YES1: variants seen among roughly 807,000 people sequenced by gnomAD.
YES1 encodes the protein tyrosine-protein kinase Yes.
Under a neutral mutation model 70.4 loss-of-function variants are expected in YES1, and 39 were observed. The ratio of observed to expected loss-of-function variants is 0.55; its 90% confidence interval spans 0.43 to 0.72. The LOEUF is 0.72. Among genes scored for constraint, YES1 ranks in the 30% least tolerant of loss-of-function variants. The pLI is 0.00. For missense variants in YES1, 495 were observed against 644.8 expected (o/e 0.77, Z 2.52); for synonymous variants, 198 against 218.6 (o/e 0.91, Z 0.83).
chr18:733,112 AT>A, intron 10 of YES1, 147 bp from the exon 11 acceptor site: 1 of 637,520 alleles, frequency 1.6e-6, no homozygotes. Context: ...TGGGATAAAA[AT>A]TCTTTAATTT....
At chr18:795,512 CA>C in intron 1 of YES1, among the ~76,000 whole-genome samples, 1 of 152,078 alleles carries the variant, frequency 6.6e-6, no homozygotes, top group Non-Finnish European at 1.5e-5. Context: ...CCCATATCCC[CA>C]TCAATGATAG....
At chr18:786,801 G>A (rs1402218472) in intron 1 of YES1, among the ~76,000 whole-genome samples, 1 of 152,000 alleles carries the variant, frequency 6.6e-6, no homozygotes, top group Non-Finnish European at 1.5e-5. Context: ...AAATATACCT[G>A]CATGTTCTGA....
intron 11 of YES1, among the ~76,000 whole-genome samples, chr18:729,517 A>G (rs530261393): frequency 1.3e-5 from 2 of 151,984 alleles, no homozygotes; most frequent in African/African-American, 4.8e-5. Context: ...TTATTTTGCA[A>G]AACTTTTCTT....
At chr18:785,096 T>C (rs1210646069) in intron 1 of YES1, among the ~76,000 whole-genome samples, 2 of 152,076 alleles carry the variant, frequency 1.3e-5, no homozygotes, top group Non-Finnish European at 2.9e-5. Flanking sequence ...ACCCTTTGAA[T>C]GTGAGGACTA....
At chr18:756,466 A>AT (rs2080407394) in intron 2 of YES1, 91 bp downstream of exon 2, 1 of 1,474,142 alleles carries the variant, frequency 6.8e-7, no homozygotes, top group Non-Finnish European at 9.2e-7. Context: ...CTCAAGTAAG[A>AT]TATCTTTCTT....
At chr18:783,218 T>TA (rs1243032416) in intron 1 of YES1, among the ~76,000 whole-genome samples, 2 of 152,016 alleles carry the variant, frequency 1.3e-5, no homozygotes, top group African/African-American at 2.4e-5. Context: ...CCCCATCTCT[T>TA]AAAAAATAAA....
chr18:811,703 C>A (rs1455925717), intron 1 of YES1, among the ~76,000 whole-genome samples: 2 of 152,226 alleles, frequency 1.3e-5, no homozygotes, highest in Non-Finnish European at 2.9e-5. Flanking sequence ...TCGGCCGATA[C>A]ACAGACCCCC....
chr18:759,612 T>A (rs556108248), intron 1 of YES1, among the ~76,000 whole-genome samples: 32 of 128,226 alleles, frequency 2.5e-4, no homozygotes, highest in Non-Finnish European at 3.8e-4. Flanking sequence ...CGTACAGACT[T>A]TTTTTCCTTG....
intron 1 of YES1, among the ~76,000 whole-genome samples, chr18:777,449 C>T (rs1392748112): frequency 6.6e-6 from 1 of 152,172 alleles, no homozygotes; most frequent in Non-Finnish European, 1.5e-5. Flanking sequence ...TATTTCCTAA[C>T]TTATCAACTC....
At chr18:747,014 G>C (rs1228031519) in intron 4 of YES1, among the ~76,000 whole-genome samples, 1 of 152,080 alleles carries the variant, frequency 6.6e-6, no homozygotes, top group Non-Finnish European at 1.5e-5. Flanking sequence ...AAAAGAGAAG[G>C]ATACTTTCCT....
At chr18:781,228 C>T (rs1049924732) in intron 1 of YES1, among the ~76,000 whole-genome samples, 1 of 143,724 alleles carries the variant, frequency 7.0e-6, no homozygotes, top group Admixed American at 7.2e-5. Flanking sequence ...GAGATCGCGC[C>T]ATTGCACTGC....
intron 9 of YES1, chr18:738,962 TAC>T (rs1336412082): frequency 2.0e-5 from 3 of 152,110 alleles, no homozygotes; most frequent in African/African-American, 7.2e-5. Context: ...TAGCTGGGAT[TAC>T]AGGCGCCCGC....
Position 756,792 on chromosome 18 carries a change from T to C in YES1, c.36A>G (p.Pro12=). ...TATTTTCAGGTCTGTATTTAATGGC[T>C]GGACTTTTGTTTTCTTTACTTTTAA... ...GCIKSKENKS[P]AIKYRPENTP... The change falls in exon 2 of 12, where the codon CCA becomes CCG. Residue 12 remains proline (P), a synonymous_variant. Transcript: ENST00000314574. The C allele has an allele frequency of 6.2e-7, 1 of 1,614,136 alleles. No individual in the cohort carries two copies. The highest frequency in any genetic ancestry group is 8.5e-7 in the Non-Finnish European group (1 of 1,180,016).
At position 765,248 on chromosome 18, in the gene YES1, C is replaced by CTATATATA. The variant is rs71174288; in HGVS notation, c.-8-8421_-8-8414dup. ...GGACAGGTTTGGGAAAGAGTTACAA[C>CTATATATA]TATATATATATATATATATATATAT... On this transcript the variant is annotated intron_variant, in intron 1 of 11. Transcript: ENST00000314574. Among the ~76,000 whole-genome samples the CTATATATA allele has an allele frequency of 3.0e-3, 276 of 91,408 alleles. 2 individuals carry two copies. Among genetic ancestry groups the CTATATATA allele is most frequent in the South Asian group, 4.6e-3 (10 of 2,172 alleles). The allele number at this position is 91,408 out of a possible 152,430, so 60.0% of individuals were successfully genotyped here.
In YES1 at chr18:742,973, T is replaced by G. The variant is rs145619809; in HGVS notation, c.1005A>C (p.Leu335=). 7 of 1,609,542 alleles carry G rather than the reference T, an allele frequency of 4.3e-6. No homozygotes were observed. The African/African-American group carries it at 8.0e-5, about 18-fold the overall frequency. ...KKLRHDKLVP[L]YAVVSEEPIY... Reference sequence around the variant, plus strand: ...TTGGTTCTTCAGAAACAACAGCATATAGTGGAACAAGTTTATCATGTCTTA... The same window carrying G: ...TTGGTTCTTCAGAAACAACAGCATAGAGTGGAACAAGTTTATCATGTCTTA... Residue 335 remains leucine (L), a synonymous_variant, in exon 8 of 12, where the codon CTA becomes CTC. Transcript: ENST00000314574.
chr18:727,507 T>C (rs968803520), intron 11 of YES1, among the ~76,000 whole-genome samples: 1 of 152,180 alleles, frequency 6.6e-6, no homozygotes, highest in African/African-American at 2.4e-5. Context: ...GTTCCATCTG[T>C]TCGTTTCTCC....
chr18:727,931 T>G (rs567566182), intron 11 of YES1, among the ~76,000 whole-genome samples: 1 of 152,350 alleles, frequency 6.6e-6, no homozygotes, highest in Non-Finnish European at 1.5e-5. Flanking sequence ...ATCCCTTATC[T>G]GAAATGTTTG....
At chr18:741,385 T>A (rs1213717151) in intron 8 of YES1, among the ~76,000 whole-genome samples, 1 of 152,102 alleles carries the variant, frequency 6.6e-6, no homozygotes, top group African/African-American at 2.4e-5. Context: ...GGAATACATG[T>A]GTGTGCAACC....
In YES1 at chr18:743,389, A is replaced by G. The variant is rs2080238103; in HGVS notation, c.751T>C (p.Leu251=). 2 of 1,612,826 alleles carry G rather than the reference A, an allele frequency of 1.2e-6. No homozygotes were observed. The highest frequency in any genetic ancestry group is 1.7e-5 in the Admixed American group (1 of 59,958). Residue 251 remains leucine (L), a synonymous_variant, in exon 7 of 12, where the codon TTG becomes CTG. Transcript: ENST00000314574. ...TTCACAGTTGGACACACAGTTGTCAACTTGTGGCATAAACCATCAGCATGT... is the reference window on the plus strand; with the variant it reads ...TTCACAGTTGGACACACAGTTGTCAGCTTGTGGCATAAACCATCAGCATGT... The part of the protein sequence containing the change: ...TEHADGLCHK[L]TTVCPTVKPQ...
Sources: gnomAD v4.1 joint callset for allele counts (sites outside exome capture counted in the v4.1 genomes callset) on GRCh38, gnomAD v4.1.1 for gene constraint, MANE v1.5 for transcripts, NCBI Gene and HGNC (gene_info 2026-07-23, HGNC 2026-07-21) for gene names.